CSMD1: variants seen among roughly 807,000 people sequenced by gnomAD.
CSMD1 encodes CUB and Sushi multiple domains 1, also known as CUB and sushi domain-containing protein 1.
CSMD1 carries 213 observed loss-of-function variants against 417.5 expected under a neutral mutation model. The observed-to-expected ratio is 0.51, with a 90% CI of 0.46 to 0.57. The LOEUF (loss-of-function observed/expected upper bound fraction) is 0.57. Ranked by LOEUF, CSMD1 falls within the 20% of genes least tolerant of loss-of-function variation. The pLI, the probability that CSMD1 is intolerant of heterozygous loss-of-function variation, is 0.00. For missense variants in CSMD1, 6,923 were observed against 4,529.7 expected, an observed-to-expected ratio of 1.53 and a Z score of -15.17; for synonymous variants, 2,862 against 1,736.8, an observed-to-expected ratio of 1.65 and a Z score of -16.11.
chr8:3,916,662 A>C (rs936060977), intron 5 of CSMD1, among the ~76,000 whole-genome samples: 3 of 152,202 alleles, frequency 2.0e-5, no homozygotes, highest in African/African-American at 7.2e-5. Context: ...ACCCGGATGT[A>C]TTCATCACCT....
At chr8:4,942,068 C>A (rs1039029295) in intron 1 of CSMD1, among the ~76,000 whole-genome samples, 5 of 152,170 alleles carry the variant, frequency 3.3e-5, no homozygotes, top group Admixed American at 1.3e-4. Flanking sequence ...CTTTAAGAAT[C>A]TCTCTTCACT....
intron 15 of CSMD1, among the ~76,000 whole-genome samples, chr8:3,404,019 T>A (rs1399953898): frequency 6.6e-6 from 1 of 152,182 alleles, no homozygotes; most frequent in East Asian, 1.9e-4. Flanking sequence ...GTTTTAACAA[T>A]GTATGAAAAG....
chr8:4,305,275 A>C (rs996688617), intron 3 of CSMD1, among the ~76,000 whole-genome samples: 7 of 152,200 alleles, frequency 4.6e-5, no homozygotes, highest in African/African-American at 1.7e-4. Context: ...ATGCCTGGGA[A>C]CTGAGCTGCA....
At chr8:4,052,766 G>A (rs553802188) in intron 3 of CSMD1, among the ~76,000 whole-genome samples, 1 of 152,124 alleles carries the variant, frequency 6.6e-6, no homozygotes, top group South Asian at 2.1e-4. Context: ...AAAAAAATGG[G>A]ATATCTGAGG....
intron 69 of CSMD1, among the ~76,000 whole-genome samples, chr8:2,941,919 G>T (rs1222695682): frequency 3.3e-5 from 5 of 152,102 alleles, no homozygotes; most frequent in Non-Finnish European, 7.4e-5. Context: ...TGTAGAGATA[G>T]AATCCTTTAT....
intron 2 of CSMD1, among the ~76,000 whole-genome samples, chr8:4,425,260 C>G (rs904680607): frequency 6.6e-6 from 1 of 151,012 alleles, no homozygotes; most frequent in Non-Finnish European, 1.5e-5. Flanking sequence ...AAACGAGTGT[C>G]ATAAGACTAC....
intron 5 of CSMD1, among the ~76,000 whole-genome samples, chr8:3,853,884 A>C (rs1804096866): frequency 6.8e-6 from 1 of 147,150 alleles, no homozygotes; most frequent in Admixed American, 6.9e-5. Flanking sequence ...TAATATATTA[A>C]TATATTATAC....
chr8:4,367,889 C>T (rs905760520), intron 3 of CSMD1, among the ~76,000 whole-genome samples: 16 of 152,086 alleles, frequency 1.1e-4, no homozygotes, highest in Admixed American at 1.3e-4. Flanking sequence ...TACTAATTTT[C>T]GTACATTATT....
At chr8:3,785,202 G>C (rs957097936) in intron 5 of CSMD1, among the ~76,000 whole-genome samples, 4 of 152,208 alleles carry the variant, frequency 2.6e-5, no homozygotes, top group Admixed American at 6.5e-5. Context: ...CTGAATTAAA[G>C]AGTTGTTATG....
intron 36 of CSMD1, among the ~76,000 whole-genome samples, chr8:3,187,651 T>A (rs1460010618): frequency 6.6e-6 from 1 of 152,152 alleles, no homozygotes; most frequent in Non-Finnish European, 1.5e-5. Context: ...TCTGACACTT[T>A]TAGATTGGTC....
chr8:4,249,773 G>C (rs950814402), intron 3 of CSMD1, among the ~76,000 whole-genome samples: 1 of 151,986 alleles, frequency 6.6e-6, no homozygotes, highest in Non-Finnish European at 1.5e-5. Context: ...GAATTAATGG[G>C]GCACTTGGGG....
At chr8:4,094,907 G>C (rs949239205) in intron 3 of CSMD1, among the ~76,000 whole-genome samples, 1 of 152,204 alleles carries the variant, frequency 6.6e-6, no homozygotes, top group African/African-American at 2.4e-5. Flanking sequence ...GAGGATACTG[G>C]AGAGACATGG....
intron 7 of CSMD1, among the ~76,000 whole-genome samples, chr8:3,653,469 C>A (rs372395710): frequency 6.6e-6 from 1 of 152,028 alleles, no homozygotes; most frequent in Non-Finnish European, 1.5e-5. Context: ...ACACCACACC[C>A]GGCTATTTTT....
intron 5 of CSMD1, among the ~76,000 whole-genome samples, chr8:3,903,008 T>C (rs1340245021): frequency 6.6e-5 from 10 of 152,188 alleles, no homozygotes; most frequent in Non-Finnish European, 1.3e-4. Flanking sequence ...AGTCTTACGA[T>C]GAATGCACGT....
chr8:3,790,512 G>C (rs562216565), intron 5 of CSMD1, among the ~76,000 whole-genome samples: 1 of 152,136 alleles, frequency 6.6e-6, no homozygotes, highest in African/African-American at 2.4e-5. Flanking sequence ...AATTATGACG[G>C]TGATAACCGT....
chr8:4,577,944 C>A (rs911566237), intron 2 of CSMD1, among the ~76,000 whole-genome samples: 1 of 152,188 alleles, frequency 6.6e-6, no homozygotes, highest in East Asian at 1.9e-4. Flanking sequence ...TATTGGATGG[C>A]CAGAGAAAAA....
chr8:3,890,945 C>A (rs571628439), intron 5 of CSMD1, among the ~76,000 whole-genome samples: 1 of 152,166 alleles, frequency 6.6e-6, no homozygotes, highest in Non-Finnish European at 1.5e-5. Flanking sequence ...ATACGACTCT[C>A]ATACGACTCT....
chr8:4,407,797 T>C (rs17070150), intron 3 of CSMD1, among the ~76,000 whole-genome samples: 2,438 of 152,302 alleles, frequency 0.016, 21 homozygotes, highest in Middle Eastern at 0.054. Context: ...CATGTCAGTA[T>C]TGTGGCATAT....
intron 2 of CSMD1, among the ~76,000 whole-genome samples, chr8:4,460,647 GA>G (rs1563199986): frequency 6.6e-6 from 1 of 152,124 alleles, no homozygotes; most frequent in Non-Finnish European, 1.5e-5. Flanking sequence ...GGACCTTACA[GA>G]TATTTAAGAA....
Sources: allele counts gnomAD v4.1 joint callset (sites outside exome capture counted in the v4.1 genomes callset), GRCh38; gene constraint gnomAD v4.1.1; transcripts MANE v1.5; gene names NCBI Gene and HGNC (gene_info 2026-07-23, HGNC 2026-07-21).